ARFIP1: variants seen among roughly 807,000 people sequenced by gnomAD.
The protein encoded by ARFIP1 is arfaptin-1.
Under a neutral mutation model 42.5 loss-of-function variants are expected in ARFIP1, and 24 were observed. The ratio of observed to expected loss-of-function variants is 0.57; its 90% CI spans 0.41 to 0.80. The LOEUF is 0.80. Ranked by LOEUF, ARFIP1 falls within the 30% of genes least tolerant of loss-of-function variation. The pLI, the probability that ARFIP1 is intolerant of heterozygous loss-of-function variation, is 0.00. For missense variants in ARFIP1, 354 were observed against 434.0 expected, an observed-to-expected ratio of 0.82 and a Z score of 1.64; for synonymous variants, 141 against 153.7, an observed-to-expected ratio of 0.92 and a Z score of 0.61.
intron 1 of ARFIP1, among the ~76,000 whole-genome samples, chr4:152,810,872 TG>T (rs1226578677): frequency 6.6e-6 from 1 of 152,100 alleles, no homozygotes; most frequent in Non-Finnish European, 1.5e-5. Context: ...AGTGTGCTGC[TG>T]CGTATCTCTT....
intron 1 of ARFIP1, among the ~76,000 whole-genome samples, chr4:152,818,837 C>T (rs964294185): frequency 1.3e-5 from 2 of 152,136 alleles, no homozygotes; most frequent in African/African-American, 4.8e-5. Flanking sequence ...CTGAGTGGGA[C>T]TTAGTGCTGC....
chr4:152,909,866 G>A (rs1156756301), intron 8 of ARFIP1, among the ~76,000 whole-genome samples, 198 bp from the exon 9 acceptor site: 3 of 152,138 alleles, frequency 2.0e-5, no homozygotes, highest in African/African-American at 7.2e-5. Context: ...ATTCTCTTTA[G>A]GGTAATTAAA....
At chr4:152,786,666 C>T (rs1158391447) in intron 1 of ARFIP1, among the ~76,000 whole-genome samples, 2 of 152,308 alleles carry the variant, frequency 1.3e-5, no homozygotes, top group South Asian at 2.1e-4. Context: ...CACTCTCCTT[C>T]TTCCTCCCCC....
intron 6 of ARFIP1, 39 bp from the exon 7 acceptor site, chr4:152,882,684 T>C (rs780780736): frequency 1.9e-6 from 3 of 1,590,734 alleles, no homozygotes; most frequent in East Asian, 4.5e-5. Context: ...CTTTTACTGA[T>C]TTATTACTGA....
chr4:152,802,027 A>T (rs1032765175), intron 1 of ARFIP1, among the ~76,000 whole-genome samples: 1 of 152,156 alleles, frequency 6.6e-6, no homozygotes, highest in Non-Finnish European at 1.5e-5. Flanking sequence ...ATAGTTTTGA[A>T]CCATGTTGAA....
chr4:152,849,511 A>G (rs764283267), intron 2 of ARFIP1, among the ~76,000 whole-genome samples: 10 of 152,258 alleles, frequency 6.6e-5, no homozygotes, highest in African/African-American at 1.4e-4. Flanking sequence ...AAGTTGGTAC[A>G]TGATTCAAGC....
intron 1 of ARFIP1, among the ~76,000 whole-genome samples, chr4:152,822,188 T>TA (rs1269524089): frequency 6.6e-6 from 1 of 151,130 alleles, no homozygotes; most frequent in Non-Finnish European, 1.5e-5. Context: ...TAAGGATTCT[T>TA]ACAGACTCAA....
At chr4:152,800,729 C>T (rs570646427) in intron 1 of ARFIP1, among the ~76,000 whole-genome samples, 64 of 152,172 alleles carry the variant, frequency 4.2e-4, no homozygotes, top group African/African-American at 1.4e-3. Flanking sequence ...TTTTGTGTAA[C>T]TCAGACATCT....
Position 152,911,333 on chromosome 4 carries a change from C to T in ARFIP1, c.*1114C>T, listed in dbSNP as rs1326902185. 6.6e-6 allele frequency: 1 copy of T among 152,442 alleles called. No homozygotes were observed. Among genetic ancestry groups the T allele is most frequent in the Non-Finnish European group, 1.5e-5 (1 of 67,994 alleles). The allele number at this position is 152,442 out of a possible 1,614,324, so 9.4% of individuals were successfully genotyped here. A position where few individuals can be genotyped will look rare whatever the true frequency, so the allele number is the denominator to read the frequency against. ...GTTTGCTCTTTGGTTTTTCTTCATTCCTTTTGAGGATTGGGAAAACAGAAA... is the reference window on the plus strand; with the variant it reads ...GTTTGCTCTTTGGTTTTTCTTCATTTCTTTTGAGGATTGGGAAAACAGAAA... On this transcript the variant is annotated 3_prime_UTR_variant, in exon 9 of 9. Coordinates refer to ENST00000353617, the MANE Select transcript of ARFIP1 (RefSeq NM_001025595.3).
Position 152,807,655 on chromosome 4 carries a change from A to C in ARFIP1, c.-9-21970A>C, listed in dbSNP as rs1216782523. Among the ~76,000 whole-genome samples the C allele has an allele frequency of 2.0e-5, 3 of 149,454 alleles. No homozygotes were observed. The East Asian group carries it at 5.8e-4, about 29-fold the overall frequency. On this transcript the variant is annotated intron_variant, in intron 1 of 8. Transcript: ENST00000353617. ...GAGTTATTTATATGTCTTTGCTGTC[A>C]GTCATTTGTCACATATAGATATTGT... is the stretch of plus-strand genomic sequence containing the variant.
intron 2 of ARFIP1, chr4:152,850,687 A>G (rs541288495): frequency 3.9e-5 from 6 of 152,230 alleles, no homozygotes; most frequent in Non-Finnish European, 7.3e-5. Context: ...AGCAATCTGC[A>G]TTTTTAACAG....
intron 8 of ARFIP1, among the ~76,000 whole-genome samples, chr4:152,909,177 G>A (rs1738633634): frequency 6.6e-6 from 1 of 152,102 alleles, no homozygotes; most frequent in Non-Finnish European, 1.5e-5. Context: ...CTGAGGTCAG[G>A]AGTTTGAGAC....
At chr4:152,819,947 C>T (rs1730228257) in intron 1 of ARFIP1, among the ~76,000 whole-genome samples, 1 of 152,118 alleles carries the variant, frequency 6.6e-6, no homozygotes, top group Non-Finnish European at 1.5e-5. Context: ...AGGAGGAGTG[C>T]CTTCCAGATT....
At chr4:152,895,082 C>T (rs576504171) in intron 8 of ARFIP1, among the ~76,000 whole-genome samples, 1 of 152,248 alleles carries the variant, frequency 6.6e-6, no homozygotes, top group Admixed American at 6.5e-5. Flanking sequence ...CCTGATAGGC[C>T]ATATTAGGGA....
chr4:152,806,304 AT>A (rs1561110611), intron 1 of ARFIP1, among the ~76,000 whole-genome samples: 1 of 152,162 alleles, frequency 6.6e-6, no homozygotes, highest in Non-Finnish European at 1.5e-5. Flanking sequence ...GGCAGGACAC[AT>A]TTTGGAAAAT....
chr4:152,829,480 A>G (rs1731099234), intron 1 of ARFIP1, 145 bp from the exon 2 acceptor site: 2 of 470,082 alleles, frequency 4.3e-6, no homozygotes, highest in South Asian at 5.0e-5. Context: ...TTAAAATTAT[A>G]TATGTATTCT....
intron 2 of ARFIP1, among the ~76,000 whole-genome samples, chr4:152,856,079 T>C (rs1305394916): frequency 1.3e-5 from 2 of 152,114 alleles, no homozygotes; most frequent in Non-Finnish European, 2.9e-5. Context: ...TTAAGTTTTC[T>C]TTTCTAAGAG....
rs75120862 is a variant in ARFIP1 at position 152,826,993 on chromosome 4, G to T, written c.-9-2632G>T. Among the ~76,000 whole-genome samples the T allele has an allele frequency of 3.2e-4, 48 of 152,242 alleles. No individual in the cohort carries two copies. In the East Asian group the frequency reaches 8.7e-3, roughly 28 times the overall value. On this transcript the variant is annotated intron_variant, in intron 1 of 8. Transcript: ENST00000353617. Reference sequence around the variant, plus strand: ...AGTCAAATTCATAGCAACAAGTAGGGTAGTGGTTGCCAGATTCTGTGGGGA... The same window carrying T: ...AGTCAAATTCATAGCAACAAGTAGGTTAGTGGTTGCCAGATTCTGTGGGGA...
intron 2 of ARFIP1, among the ~76,000 whole-genome samples, chr4:152,835,634 C>T (rs1011598647): frequency 1.3e-5 from 2 of 152,208 alleles, no homozygotes; most frequent in African/African-American, 4.8e-5. Context: ...AACCTCTGCT[C>T]ATTACCCAGT....
Sources: allele counts gnomAD v4.1 joint callset (sites outside exome capture counted in the v4.1 genomes callset), GRCh38; gene constraint gnomAD v4.1.1; transcripts MANE v1.5; gene names NCBI Gene and HGNC (gene_info 2026-07-23, HGNC 2026-07-21).